The following PSMA3 variants were observed in gnomAD, a reference collection of about 807,000 sequenced individuals.
PSMA3 encodes the protein proteasome 20S subunit alpha 3.
PSMA3 carries 8 observed loss-of-function variants against 40.0 expected under a neutral mutation model. The ratio of observed to expected loss-of-function variants is 0.20; its 90% CI spans 0.12 to 0.36. The LOEUF (loss-of-function observed/expected upper bound fraction) is 0.36, where lower values mean the gene tolerates loss of function less well. Ranked by LOEUF, PSMA3 falls within the 10% of genes least tolerant of loss-of-function variation. The probability of loss-of-function intolerance (pLI) is 1.00; values close to 1 mark genes in which losing one functional copy is unlikely to be tolerated. For missense variants in PSMA3, 219 were observed against 310.6 expected (o/e 0.70, Z 2.22); for synonymous variants, 110 against 100.0 (o/e 1.10, Z -0.59).
At chr14:58,252,061 GTT>G in intron 2 of PSMA3, 56 bp from the exon 3 acceptor site, 2 of 1,532,588 alleles carry the variant, frequency 1.3e-6, no homozygotes, top group Non-Finnish European at 1.8e-6. Flanking sequence ...TTAAACTTAA[GTT>G]TATGAAGTTT....
intron 5 of PSMA3, 75 bp from the exon 6 acceptor site, chr14:58,260,873 C>A: frequency 1.9e-6 from 2 of 1,065,378 alleles, no homozygotes; most frequent in Non-Finnish European, 2.8e-6. Context: ...AATATAACTG[C>A]ATTTTAAAAT....
chr14:58,254,340 A>ATATATATATGTATG lies in PSMA3; in HGVS notation c.228+2101_228+2102insATATATGTATGTAT. Among the ~76,000 whole-genome samples the ATATATATATGTATG allele has an allele frequency of 2.4e-3, 85 of 34,804 alleles. 20 individuals are homozygous for ATATATATATGTATG. The highest frequency in any genetic ancestry group is 5.8e-3 in the African/African-American group (60 of 10,390). The allele number at this position is 34,804 out of a possible 152,430, so 22.8% of individuals were successfully genotyped here. A position where few individuals can be genotyped will look rare whatever the true frequency, so the allele number is the denominator to read the frequency against. ...TGAAAAAAATTATGCATGCATATAT[A>ATATATATATGTATG]TATGTATGTACACACACACAGAGGT... On this transcript the variant is annotated intron_variant, in intron 3 of 10. Coordinates refer to ENST00000216455, the MANE Select transcript of PSMA3 (RefSeq NM_002788.4).
chr14:58,250,346 G>A (rs749100734), intron 2 of PSMA3, among the ~76,000 whole-genome samples: 1 of 151,944 alleles, frequency 6.6e-6, no homozygotes, highest in Non-Finnish European at 1.5e-5. Flanking sequence ...GACCTGTACT[G>A]CTTGAGTTCA....
At chr14:58,259,854 G>C (rs1436711016) in intron 5 of PSMA3, among the ~76,000 whole-genome samples, 1 of 152,146 alleles carries the variant, frequency 6.6e-6, no homozygotes, top group Non-Finnish European at 1.5e-5. Context: ...TTGGTGTGTA[G>C]AGTATGAGGT....
chr14:58,252,109 C>G lies in PSMA3; in HGVS notation c.105-10C>G. 1 of 1,575,606 alleles carries G rather than the reference C, an allele frequency of 6.3e-7. No individual in the cohort carries two copies. The highest frequency in any genetic ancestry group is 8.6e-7 in the Non-Finnish European group (1 of 1,168,074). On this transcript the variant is annotated splice_polypyrimidine_tract_variant and intron_variant, in intron 2 of 10. Transcript: ENST00000216455. Reference sequence around the variant, plus strand: ...CAGTTAAAAAACTGATTTTCTTCTCCTTGTTTCAGTACAGCTATTGGAATC... The same window carrying G: ...CAGTTAAAAAACTGATTTTCTTCTCGTTGTTTCAGTACAGCTATTGGAATC...
At chr14:58,262,717 C>T (rs934397321) in intron 6 of PSMA3, among the ~76,000 whole-genome samples, 3 of 151,704 alleles carry the variant, frequency 2.0e-5, no homozygotes, top group African/African-American at 7.3e-5. Flanking sequence ...CCTGTACCAT[C>T]ACACCTGGCT....
chr14:58,270,613 T>TTCTG, intron 9 of PSMA3, 128 bp downstream of exon 9: 1 of 1,486,186 alleles, frequency 6.7e-7, no homozygotes, highest in Non-Finnish European at 9.0e-7. Context: ...GAAGGGAAAG[T>TTCTG]TCTGCTTAAT....
chr14:58,257,601 C>A, intron 3 of PSMA3, 144 bp from the exon 4 acceptor site: 1 of 610,138 alleles, frequency 1.6e-6, no homozygotes, highest in Non-Finnish European at 2.9e-6. Context: ...CATCAAAATG[C>A]CTTGTAGAGA....
chr14:58,255,939 G>C (rs922254424), intron 3 of PSMA3, among the ~76,000 whole-genome samples: 2 of 151,670 alleles, frequency 1.3e-5, no homozygotes, highest in Non-Finnish European at 2.9e-5. Context: ...GCTCACTGCA[G>C]CCTCCGCCTC....
At position 58,271,537 on chromosome 14, in the gene PSMA3, T is replaced by C. The variant is rs137896186; in HGVS notation, c.724-314T>C. ...TTCACCAATAATACAGAGACGGGTT[T>C]TCACCAGGCTAGTTTCAAACTCTTG... On this transcript the variant is annotated intron_variant, in intron 10 of 10. Coordinates refer to ENST00000216455, the MANE Select transcript of PSMA3 (RefSeq NM_002788.4). Among the ~76,000 whole-genome samples, 10 of 152,186 alleles carry C rather than the reference T, an allele frequency of 6.6e-5. No homozygotes were observed. The East Asian group carries it at 1.7e-3, about 26-fold the overall frequency.
chr14:58,252,080 T>G (rs767828379), intron 2 of PSMA3, 39 bp from the exon 3 acceptor site: 1 of 1,558,054 alleles, frequency 6.4e-7, no homozygotes, highest in Non-Finnish European at 8.6e-7. Flanking sequence ...GTTTCTTTTA[T>G]TTTCAGTTAA....
At chr14:58,254,325 T>C (rs1890088754) in intron 3 of PSMA3, among the ~76,000 whole-genome samples, 2 of 117,646 alleles carry the variant, frequency 1.7e-5, no homozygotes, top group Non-Finnish European at 3.5e-5. Context: ...TGAAAAAAAT[T>C]ATGCATGCAT....
chr14:58,247,312 A>T (rs1000215738), intron 1 of PSMA3, among the ~76,000 whole-genome samples: 1 of 152,222 alleles, frequency 6.6e-6, no homozygotes, highest in Non-Finnish European at 1.5e-5. Flanking sequence ...GGACTTAATG[A>T]ATGAGTATAC....
rs1249842547 is a variant in PSMA3, at chr14:58,262,562, A to G, written c.478-1143A>G. Among the ~76,000 whole-genome samples, 5 of 123,846 alleles carry G rather than the reference A, an allele frequency of 4.0e-5. No individual in the cohort carries two copies. In the East Asian group the frequency reaches 9.0e-4, roughly 22 times the overall value. 81.2% of individuals were successfully genotyped at this position (123,846 alleles called of 152,430 possible). A position where few individuals can be genotyped will look rare whatever the true frequency, so the allele number is the denominator to read the frequency against. On this transcript the variant is annotated intron_variant, in intron 6 of 10. Transcript: ENST00000216455. ...TTCTAAGAGCTTTCCCTAAATTATT[A>G]CCATTTTTTTTTTTTTTTGAGACAG...
At chr14:58,252,271 T>A in intron 3 of PSMA3, 29 bp downstream of exon 3, 1 of 1,595,068 alleles carries the variant, frequency 6.3e-7, no homozygotes, top group Non-Finnish European at 8.5e-7. Flanking sequence ...TGTTCCTTTT[T>A]GTCTTGTCCA....
At position 58,270,494 on chromosome 14, in the gene PSMA3, T is replaced by C; in HGVS notation, c.658+9T>C. ...CAGCTGGGTTGGTGAATGTAAGTTA[T>C]TTTTGTACATTTATTTGCCTTAGGA... On this transcript the variant is annotated intron_variant, in intron 9 of 10. Transcript: ENST00000216455. 6.2e-7 allele frequency: 1 copy of C among 1,613,550 alleles called. No individual in the cohort carries two copies. Among genetic ancestry groups the C allele is most frequent in the South Asian group, 1.1e-5 (1 of 91,066 alleles).
rs757254647 is a variant in PSMA3, at chr14:58,263,774, A to G, written c.543+4A>G. 1.2e-6 allele frequency: 2 copies of G among 1,613,116 alleles called. No individual in the cohort carries two copies. The highest frequency in any genetic ancestry group is 1.7e-6 in the Non-Finnish European group (2 of 1,179,170). ...GACGGAAATAGAGAAGCTTCAGGTAATAATTAATGCTTGAATTTTTACTAT... is the reference window on the plus strand; with the variant it reads ...GACGGAAATAGAGAAGCTTCAGGTAGTAATTAATGCTTGAATTTTTACTAT... On this transcript the variant is annotated splice_donor_region_variant and intron_variant, in intron 7 of 10. Transcript: ENST00000216455.
intron 8 of PSMA3, chr14:58,267,799 C>T (rs543894764): frequency 2.6e-4 from 74 of 282,086 alleles, no homozygotes; most frequent in African/African-American, 1.6e-3. Flanking sequence ...TGTTAGCTCC[C>T]AACTTCTCAA....
At chr14:58,267,554 T>C in intron 8 of PSMA3, 34 bp downstream of exon 8, 1 of 1,556,536 alleles carries the variant, frequency 6.4e-7, no homozygotes, top group Non-Finnish European at 8.6e-7. Context: ...TCCACAAAAA[T>C]ATTTCATTTG....
Sources: gnomAD v4.1 joint callset for allele counts (sites outside exome capture counted in the v4.1 genomes callset) on GRCh38, gnomAD v4.1.1 for gene constraint, MANE v1.5 for transcripts, NCBI Gene and HGNC (gene_info 2026-07-23, HGNC 2026-07-21) for gene names.